The following CELF4 variants were observed in gnomAD, a reference collection of about 807,000 sequenced individuals.
The protein encoded by CELF4 is CUG-BP- and ETR-3-like factor 4.
Under a neutral mutation model 59.9 loss-of-function variants are expected in CELF4, and 18 were observed. That is an observed-to-expected ratio of 0.30 (90% CI 0.21 to 0.45). CELF4 has a LOEUF of 0.45. Ranked by LOEUF, CELF4 falls within the 20% of genes least tolerant of loss-of-function variation. The probability of loss-of-function intolerance (pLI) is 1.00; values close to 1 mark genes in which losing one functional copy is unlikely to be tolerated. For missense variants in CELF4, 456 were observed against 689.0 expected, an observed-to-expected ratio of 0.66 and a Z score of 3.79; for synonymous variants, 261 against 267.1, an observed-to-expected ratio of 0.98 and a Z score of 0.22.
At chr18:37,276,191 G>A (rs1184920653) in intron 3 of CELF4, 1 of 152,188 alleles carries the variant, frequency 6.6e-6, no homozygotes, top group East Asian at 1.9e-4. Context: ...TGAGTATCAG[G>A]TGCTTTGTTG....
chr18:37,343,573 A>T (rs1213468252), intron 2 of CELF4, among the ~76,000 whole-genome samples: 1 of 151,618 alleles, frequency 6.6e-6, no homozygotes, highest in African/African-American at 2.4e-5. Flanking sequence ...TGTGGTGCAT[A>T]TGTGTGTATA....
intron 10 of CELF4, among the ~76,000 whole-genome samples, chr18:37,259,632 G>A (rs757662946): frequency 5.3e-5 from 8 of 152,132 alleles, no homozygotes; most frequent in South Asian, 4.1e-4. Context: ...GGAGATCCGG[G>A]AGGCCTCCCT....
chr18:37,365,104 C>T (rs1336946789), intron 2 of CELF4, among the ~76,000 whole-genome samples: 3 of 152,148 alleles, frequency 2.0e-5, no homozygotes, highest in African/African-American at 7.2e-5. Context: ...AATGATTTTA[C>T]TGAAGTAAGG....
Position 37,511,910 on chromosome 18 carries a change from G to C in CELF4, c.287-26303C>G, listed in dbSNP as rs760606240. Among the ~76,000 whole-genome samples the C allele has an allele frequency of 2.0e-5, 3 of 151,972 alleles. No homozygotes were observed. In the South Asian group the frequency reaches 6.3e-4, roughly 32 times the overall value. Reference sequence around the variant, plus strand: ...TGAAAGCAACTGTTACAGCCCCTCCGACCTTTAATGCAGAGTCAGCGGCTG... The same window carrying C: ...TGAAAGCAACTGTTACAGCCCCTCCCACCTTTAATGCAGAGTCAGCGGCTG... On this transcript the variant is annotated intron_variant, in intron 1 of 12. Coordinates refer to ENST00000420428, the MANE Select transcript of CELF4 (RefSeq NM_020180.4).
At chr18:37,346,705 T>G (rs1359196178) in intron 2 of CELF4, among the ~76,000 whole-genome samples, 1 of 151,790 alleles carries the variant, frequency 6.6e-6, no homozygotes, top group African/African-American at 2.4e-5. Flanking sequence ...TGGAGTCAGT[T>G]TGGGGAGGAG....
intron 2 of CELF4, among the ~76,000 whole-genome samples, chr18:37,449,964 G>A (rs932697248): frequency 3.9e-5 from 6 of 152,208 alleles, no homozygotes; most frequent in African/African-American, 1.4e-4. Context: ...AGCAGTGGGT[G>A]CTGAAGTCCC....
At chr18:37,452,971 C>T (rs79626538) in intron 2 of CELF4, among the ~76,000 whole-genome samples, 7,037 of 152,242 alleles carry the variant, frequency 0.046, 213 homozygotes, top group Middle Eastern at 0.12. Context: ...TCCTCCAGCC[C>T]GCAGAAAAAT....
chr18:37,262,572 G>A (rs531359074), intron 10 of CELF4, among the ~76,000 whole-genome samples: 2 of 152,292 alleles, frequency 1.3e-5, no homozygotes, highest in Admixed American at 6.5e-5. Flanking sequence ...GTTGGGCAGG[G>A]TGCCATTGAC....
chr18:37,247,525 C>T (rs1055040102), intron 12 of CELF4: 5 of 151,926 alleles, frequency 3.3e-5, no homozygotes, highest in Non-Finnish European at 7.4e-5. Flanking sequence ...CAGCATCAAT[C>T]TAGAAGCTCT....
At chr18:37,499,409 C>T (rs1018086899) in intron 1 of CELF4, among the ~76,000 whole-genome samples, 7 of 152,156 alleles carry the variant, frequency 4.6e-5, no homozygotes, top group African/African-American at 1.4e-4. Flanking sequence ...AAAGTTGGGG[C>T]GTTGCAGACA....
At chr18:37,364,210 C>A (rs568029321) in intron 2 of CELF4, among the ~76,000 whole-genome samples, 136 of 152,294 alleles carry the variant, frequency 8.9e-4, no homozygotes, top group African/African-American at 3.2e-3. Context: ...CCCTTGCTGG[C>A]CTCCTTCCCT....
chr18:37,345,547 T>C lies in CELF4; in HGVS notation c.370-23666A>G, dbSNP rs1418858979. On this transcript the variant is annotated intron_variant, in intron 2 of 12. Coordinates refer to ENST00000420428, the MANE Select transcript of CELF4 (RefSeq NM_020180.4). The stretch of plus-strand genomic sequence containing the variant: ...GCACATGGTAGATGCTCAGTAGACA[T>C]TAAAATGAACTGAGTGCTTTGGGGT... 3.9e-5 allele frequency among the ~76,000 whole-genome samples: 6 copies of C among 151,970 alleles called. No individual in the cohort carries two copies. The East Asian group carries it at 1.2e-3, about 29-fold the overall frequency.
chr18:37,324,713 C>T (rs2097243072), intron 2 of CELF4, among the ~76,000 whole-genome samples: 1 of 152,076 alleles, frequency 6.6e-6, no homozygotes, highest in South Asian at 2.1e-4. Context: ...GGAGGTGGTG[C>T]TTAAGTGACC....
At chr18:37,399,463 T>G (rs977553258) in intron 2 of CELF4, among the ~76,000 whole-genome samples, 1 of 152,152 alleles carries the variant, frequency 6.6e-6, no homozygotes, top group Non-Finnish European at 1.5e-5. Context: ...CAAATAAGGC[T>G]CTATTATTTA....
chr18:37,319,435 C>G (rs1248380152), intron 3 of CELF4, among the ~76,000 whole-genome samples: 1 of 152,226 alleles, frequency 6.6e-6, no homozygotes, highest in Non-Finnish European at 1.5e-5. Flanking sequence ...GCATGGGATC[C>G]CTTCAGGCAG....
intron 2 of CELF4, among the ~76,000 whole-genome samples, chr18:37,366,120 G>A (rs916980528): frequency 6.6e-6 from 1 of 152,142 alleles, no homozygotes; most frequent in Admixed American, 6.5e-5. Flanking sequence ...AAGGAGAAGC[G>A]GTATCTACCA....
At chr18:37,530,091 A>C (rs2154605021) in intron 1 of CELF4, among the ~76,000 whole-genome samples, 1 of 152,292 alleles carries the variant, frequency 6.6e-6, no homozygotes, top group African/African-American at 2.4e-5. Context: ...CATCCTGCAG[A>C]GATGACAGCC....
rs1047476706 is a variant in CELF4, at chr18:37,246,397, A to C, written c.*45-1200T>G. Reference sequence around the variant, plus strand: ...TAGTACTGTTTCTTCCAAACCAACCAAAAAAAACCCTCCCGAGCCCCCAGT... The same window carrying C: ...TAGTACTGTTTCTTCCAAACCAACCCAAAAAAACCCTCCCGAGCCCCCAGT... On this transcript the variant is annotated intron_variant, in intron 12 of 12. Coordinates refer to ENST00000420428, the MANE Select transcript of CELF4 (RefSeq NM_020180.4). This position sits in a 1 kb window ranked among gnomAD's most constrained non-coding sequence, Gnocchi z 5.3. 1.3e-5 allele frequency among the ~76,000 whole-genome samples: 2 copies of C among 151,842 alleles called. No homozygotes were observed. Among genetic ancestry groups the C allele is most frequent in the African/African-American group, 2.4e-5 (1 of 41,306 alleles).
chr18:37,360,313 A>G (rs923067187), intron 2 of CELF4, among the ~76,000 whole-genome samples: 1 of 152,114 alleles, frequency 6.6e-6, no homozygotes, highest in Non-Finnish European at 1.5e-5. Flanking sequence ...CTGGGCAAGC[A>G]CCACTTTATC....
Sources: allele counts gnomAD v4.1 joint callset (sites outside exome capture counted in the v4.1 genomes callset), GRCh38; gene constraint gnomAD v4.1.1; non-coding constraint Gnocchi (gnomAD v3.1); transcripts MANE v1.5; gene names NCBI Gene and HGNC (gene_info 2026-07-23, HGNC 2026-07-21).